The following FAT3 variants were observed in gnomAD, a reference collection of about 807,000 sequenced individuals.
The protein encoded by FAT3 is protocadherin Fat 3.
FAT3 carries 95 observed loss-of-function variants against 310.2 expected under a neutral mutation model. That is an observed-to-expected ratio of 0.31 (90% CI 0.26 to 0.36). The LOEUF (loss-of-function observed/expected upper bound fraction) is 0.36, where lower values mean the gene tolerates loss of function less well. FAT3 is among the 10% of genes least tolerant of loss of function. The pLI is 1.00. For synonymous variants in FAT3, 2,314 were observed against 2,192.9 expected (o/e 1.06, Z -1.54); for missense variants, 5,408 against 5,715.6 (o/e 0.95, Z 1.74).
intron 3 of FAT3, among the ~76,000 whole-genome samples, chr11:92,576,391 A>G (rs532167497): frequency 6.6e-6 from 1 of 152,316 alleles, no homozygotes; most frequent in Admixed American, 6.5e-5. Context: ...CAGGTGGATT[A>G]CATCACAAGT....
chr11:92,244,314 A>G (rs1049559746), intron 1 of FAT3, among the ~76,000 whole-genome samples: 3 of 152,110 alleles, frequency 2.0e-5, no homozygotes, highest in Middle Eastern at 3.2e-3. Context: ...GATTGAGTAC[A>G]TAAAAATCCG....
At chr11:92,378,214 T>G (rs1949399560) in intron 2 of FAT3, among the ~76,000 whole-genome samples, 2 of 152,366 alleles carry the variant, frequency 1.3e-5, no homozygotes, top group South Asian at 4.1e-4. Flanking sequence ...TGCCCATCAC[T>G]TTCTTATAAA....
chr11:92,675,901 C>T (rs1317441982), intron 3 of FAT3, among the ~76,000 whole-genome samples: 1 of 152,100 alleles, frequency 6.6e-6, no homozygotes, highest in Non-Finnish European at 1.5e-5. Flanking sequence ...TCACTCCAGT[C>T]TCTCACTTTA....
At chr11:92,583,148 A>G (rs1938910666) in intron 3 of FAT3, among the ~76,000 whole-genome samples, 1 of 152,042 alleles carries the variant, frequency 6.6e-6, no homozygotes, top group Non-Finnish European at 1.5e-5. Context: ...CCCTTGTCTA[A>G]AAGAAAATAT....
chr11:92,811,680 A>T (rs1349915988), intron 13 of FAT3, among the ~76,000 whole-genome samples: 3 of 152,134 alleles, frequency 2.0e-5, no homozygotes, highest in Non-Finnish European at 4.4e-5. Context: ...TGGAATGAGG[A>T]TCTTACCAGT....
At chr11:92,508,803 T>A (rs910667762) in intron 2 of FAT3, among the ~76,000 whole-genome samples, 53 of 151,972 alleles carry the variant, frequency 3.5e-4, no homozygotes, top group Non-Finnish European at 2.9e-5. Flanking sequence ...AGTTAGAGAG[T>A]CGGTATTAAA....
Position 92,393,049 on chromosome 11 carries a change from A to G in FAT3, c.3292+37645A>G, listed in dbSNP as rs1394364705. 2.0e-5 allele frequency among the ~76,000 whole-genome samples: 3 copies of G among 152,000 alleles called. No homozygotes were observed. In the East Asian group the frequency reaches 5.8e-4, roughly 29 times the overall value. On this transcript the variant is annotated intron_variant, in intron 2 of 27. Coordinates refer to ENST00000525166, the MANE Select transcript of FAT3 (RefSeq NM_001367949.2). ...CTGAGTTGCTAACAGGCCATCTTTT[A>G]TTTGGTTTTTGTGAGTTTCTGTTTT...
At chr11:92,786,169 T>C (rs1405028783) in intron 7 of FAT3, among the ~76,000 whole-genome samples, 1 of 152,064 alleles carries the variant, frequency 6.6e-6, no homozygotes, top group Non-Finnish European at 1.5e-5. Context: ...CGATTAGCGA[T>C]GTAAATGAAA....
chr11:92,683,163 T>C (rs1403735788), intron 3 of FAT3, among the ~76,000 whole-genome samples: 1 of 152,044 alleles, frequency 6.6e-6, no homozygotes, highest in Non-Finnish European at 1.5e-5. Context: ...TCTAATGTGG[T>C]CTTGGTCCCT....
chr11:92,668,830 A>G (rs1039617224), intron 3 of FAT3, among the ~76,000 whole-genome samples: 2 of 152,206 alleles, frequency 1.3e-5, no homozygotes, highest in African/African-American at 4.8e-5. Context: ...CTAAGCTTTA[A>G]TATTCTGTGG....
intron 3 of FAT3, among the ~76,000 whole-genome samples, chr11:92,669,042 CA>C (rs2135817274): frequency 6.6e-6 from 1 of 152,316 alleles, no homozygotes; most frequent in East Asian, 1.9e-4. Context: ...TACAAGATTA[CA>C]GGGGGTCCTG....
chr11:92,643,060 A>G (rs1288208189), intron 3 of FAT3, among the ~76,000 whole-genome samples: 1 of 152,218 alleles, frequency 6.6e-6, no homozygotes, highest in Non-Finnish European at 1.5e-5. Flanking sequence ...TTGCTACACA[A>G]CACAGACATG....
At chr11:92,464,210 C>A (rs1026308087) in intron 2 of FAT3, among the ~76,000 whole-genome samples, 1 of 152,134 alleles carries the variant, frequency 6.6e-6, no homozygotes, top group East Asian at 1.9e-4. Flanking sequence ...TAACATTCCC[C>A]ACAAGTGGTG....
In FAT3 at chr11:92,801,389, A is replaced by G; in HGVS notation, c.8376A>G (p.Val2792=). 6.2e-7 allele frequency: 1 copy of G among 1,613,960 alleles called. No individual in the cohort carries two copies. ...CAGCCACTATACCCCTGGACAAAGT[A>G]GACATTGTGTTTACTGTGGATGTAG... ...KVAATIPLDK[V]DIVFTVDVDI... Residue 2792 remains valine (V), a synonymous_variant, in exon 10 of 28, where the codon GTA becomes GTG. Coordinates refer to ENST00000525166, the MANE Select transcript of FAT3 (RefSeq NM_001367949.2).
At chr11:92,632,088 G>A (rs1038798437) in intron 3 of FAT3, among the ~76,000 whole-genome samples, 1 of 152,152 alleles carries the variant, frequency 6.6e-6, no homozygotes, top group Admixed American at 6.5e-5. Context: ...ACTGTTTTAA[G>A]GATTATATTT....
intron 2 of FAT3, among the ~76,000 whole-genome samples, chr11:92,369,086 A>G (rs909149653): frequency 6.6e-6 from 1 of 152,114 alleles, no homozygotes; most frequent in Non-Finnish European, 1.5e-5. Flanking sequence ...ACTGGCTGCA[A>G]CCACTTCACC....
At chr11:92,319,824 A>C (rs1452606091) in intron 1 of FAT3, among the ~76,000 whole-genome samples, 1 of 152,194 alleles carries the variant, frequency 6.6e-6, no homozygotes, top group Non-Finnish European at 1.5e-5. Flanking sequence ...TGACATTCTG[A>C]GAATGCTTGT....
At chr11:92,471,914 GCTATATATATATAT>G (rs374141435) in intron 2 of FAT3, among the ~76,000 whole-genome samples, 185 of 62,926 alleles carry the variant, frequency 2.9e-3, no homozygotes, top group African/African-American at 8.0e-3. Flanking sequence ...CTTTTCATAT[GCTATATATATATAT>G]ATATATATAT....
intron 3 of FAT3, among the ~76,000 whole-genome samples, chr11:92,660,426 G>A (rs1942741417): frequency 6.6e-6 from 1 of 152,090 alleles, no homozygotes; most frequent in African/African-American, 2.4e-5. Flanking sequence ...GGGTAGGGGT[G>A]CCAGGGATCA....
Sources: gnomAD v4.1 joint callset for allele counts (sites outside exome capture counted in the v4.1 genomes callset) on GRCh38, gnomAD v4.1.1 for gene constraint, MANE v1.5 for transcripts, NCBI Gene and HGNC (gene_info 2026-07-23, HGNC 2026-07-21) for gene names.